Variants in CHKA observed in about 807,000 individuals in gnomAD.
CHKA encodes CHETK-alpha.
In CHKA, 34 loss-of-function variants were observed where a neutral mutation model predicts 60.1. The ratio of observed to expected loss-of-function variants is 0.57; its 90% CI spans 0.43 to 0.75. The LOEUF is 0.75. Among genes scored for constraint, CHKA ranks in the 30% least tolerant of loss-of-function variants. The probability of loss-of-function intolerance (pLI) is 0.00; values close to 1 mark genes in which losing one functional copy is unlikely to be tolerated. For synonymous variants in CHKA, 217 were observed against 223.1 expected, an observed-to-expected ratio of 0.97 and a Z score of 0.24; for missense variants, 563 against 561.3, an observed-to-expected ratio of 1.00 and a Z score of -0.03.
intron 1 of CHKA, among the ~76,000 whole-genome samples, chr11:68,116,776 G>A (rs1415503322): frequency 1.3e-5 from 2 of 152,038 alleles, no homozygotes; most frequent in East Asian, 3.9e-4. Context: ...TTGATAGGCA[G>A]GGACAGAAGT....
intron 1 of CHKA, among the ~76,000 whole-genome samples, chr11:68,107,604 C>A (rs1309134806): frequency 6.6e-6 from 1 of 152,106 alleles, no homozygotes; most frequent in African/African-American, 2.4e-5. Flanking sequence ...ATATCCTCCC[C>A]CAACCCCCAC....
intron 3 of CHKA, among the ~76,000 whole-genome samples, 194 bp downstream of exon 3, chr11:68,081,210 A>G (rs888272855): frequency 2.6e-5 from 4 of 152,156 alleles, no homozygotes; most frequent in Admixed American, 6.5e-5. Flanking sequence ...TCTCAGGAGG[A>G]ATGAGGAATA....
chr11:68,065,925 T>C (rs769657801), intron 8 of CHKA, 31 bp from the exon 9 acceptor site: 3 of 1,496,264 alleles, frequency 2.0e-6, no homozygotes, highest in East Asian at 2.3e-5. Flanking sequence ...GTGCACACAA[T>C]GAGGCAAACC....
chr11:68,076,516 C>T (rs1439104587), intron 3 of CHKA, among the ~76,000 whole-genome samples: 1 of 152,060 alleles, frequency 6.6e-6, no homozygotes, highest in African/African-American at 2.4e-5. Flanking sequence ...CATTATGCTC[C>T]CCTGCTCCCC....
intron 2 of CHKA, among the ~76,000 whole-genome samples, chr11:68,092,744 G>A (rs1316638837): frequency 6.6e-6 from 1 of 152,102 alleles, no homozygotes; most frequent in East Asian, 1.9e-4. Flanking sequence ...ACTCTGCAGA[G>A]CTAGGAAACC....
At chr11:68,112,399 A>T (rs547713110) in intron 1 of CHKA, among the ~76,000 whole-genome samples, 16 of 152,214 alleles carry the variant, frequency 1.1e-4, no homozygotes, top group Non-Finnish European at 1.9e-4. Context: ...CTGGCATTAC[A>T]GGTGCCCACG....
At position 68,106,031 on chromosome 11, in the gene CHKA, A is replaced by G. The variant is rs1051414385; in HGVS notation, c.351-8901T>C. 1.8e-4 allele frequency among the ~76,000 whole-genome samples: 28 copies of G among 152,262 alleles called. 1 individual carries two copies. The highest frequency in any genetic ancestry group is 5.9e-5 in the Non-Finnish European group (4 of 68,048). On this transcript the variant is annotated intron_variant, in intron 1 of 11. Transcript: ENST00000265689. ...GCTGGCTACATGGAAAAGAGAATAC[A>G]GCGTAATATCAAAACAGCTACTGAA...
chr11:68,118,021 A>G (rs1858457075), intron 1 of CHKA, among the ~76,000 whole-genome samples: 3 of 152,234 alleles, frequency 2.0e-5, no homozygotes, highest in Admixed American at 2.0e-4. Context: ...GAGCGAAAGC[A>G]GAAGCACATT....
chr11:68,105,822 A>G (rs1051875685), intron 1 of CHKA, among the ~76,000 whole-genome samples: 7 of 152,222 alleles, frequency 4.6e-5, no homozygotes, highest in African/African-American at 1.7e-4. Context: ...CAAACTGTCT[A>G]CAAGTCACAG....
At chr11:68,113,081 CAAAAA>C (rs71040587) in intron 1 of CHKA, among the ~76,000 whole-genome samples, 10 of 14,526 alleles carry the variant, frequency 6.9e-4, no homozygotes, top group Admixed American at 3.2e-3. Context: ...GACTCCGTCT[CAAAAA>C]AAAAAAAAAA....
At chr11:68,093,319 A>G (rs1460654417) in intron 2 of CHKA, among the ~76,000 whole-genome samples, 1 of 152,066 alleles carries the variant, frequency 6.6e-6, no homozygotes, top group Non-Finnish European at 1.5e-5. Context: ...CTTTCTATCC[A>G]AGGTGCTTTC....
At position 68,120,844 on chromosome 11, in the gene CHKA, G is replaced by T; in HGVS notation, c.334C>A (p.His112Asn). Residue 112 changes from histidine (H) to asparagine (N), a missense_variant, in exon 1 of 12, where the codon CAC becomes AAC. Coordinates refer to ENST00000265689, the MANE Select transcript of CHKA (RefSeq NM_001277.3). ...AWRGLREDEF[H>N]ISVIRGGLSN... ...GCCACCGACCTGATGACACTGATGT[G>T]GAACTCGTCCTCGCGGAGGCCCCGC... The T allele has an allele frequency of 7.5e-7, 1 of 1,330,306 alleles. No individual in the cohort carries two copies. The allele number at this position is 1,330,306 out of a possible 1,614,324, so 82.4% of individuals were successfully genotyped here.
intron 10 of CHKA, among the ~76,000 whole-genome samples, chr11:68,062,745 C>G: frequency 6.6e-6 from 1 of 152,200 alleles, no homozygotes; most frequent in East Asian, 1.9e-4. Flanking sequence ...GTGTGCTACC[C>G]TTTCTGTCTG....
chr11:68,057,904 G>A (rs936945134), intron 11 of CHKA, among the ~76,000 whole-genome samples: 4 of 151,954 alleles, frequency 2.6e-5, no homozygotes, highest in Admixed American at 6.6e-5. Flanking sequence ...TTTTTGTTTT[G>A]TTTTGTTTTT....
chr11:68,086,640 A>C (rs1857185153), intron 2 of CHKA, among the ~76,000 whole-genome samples: 1 of 152,228 alleles, frequency 6.6e-6, no homozygotes, highest in African/African-American at 2.4e-5. Context: ...GTATAGTAAG[A>C]ATGGGTGAAA....
chr11:68,118,159 G>C (rs1437908869), intron 1 of CHKA, among the ~76,000 whole-genome samples: 3 of 152,144 alleles, frequency 2.0e-5, no homozygotes, highest in Non-Finnish European at 4.4e-5. Flanking sequence ...AAACGGATCG[G>C]GGCCAGGTAT....
intron 1 of CHKA, among the ~76,000 whole-genome samples, chr11:68,120,066 T>C (rs1034734982): frequency 2.0e-5 from 3 of 151,860 alleles, no homozygotes; most frequent in Admixed American, 6.6e-5. Flanking sequence ...TTGTCTCTAC[T>C]AAAAATACAA....
intron 11 of CHKA, among the ~76,000 whole-genome samples, chr11:68,060,395 T>C (rs1856191325): frequency 6.6e-6 from 1 of 151,490 alleles, no homozygotes; most frequent in South Asian, 2.1e-4. Flanking sequence ...CTGCAAACTC[T>C]GCCTCCCAGG....
At chr11:68,060,526 G>A (rs530857011) in intron 11 of CHKA, among the ~76,000 whole-genome samples, 2 of 151,772 alleles carry the variant, frequency 1.3e-5, no homozygotes, top group South Asian at 2.1e-4. Context: ...GGTTAGGCTG[G>A]TCTCAAACTC....
Sources: allele counts gnomAD v4.1 joint callset (sites outside exome capture counted in the v4.1 genomes callset), GRCh38; gene constraint gnomAD v4.1.1; transcripts MANE v1.5; gene names NCBI Gene and HGNC (gene_info 2026-07-23, HGNC 2026-07-21).